Variants in ITGA11 observed in about 807,000 individuals in gnomAD.
ITGA11 encodes integrin subunit alpha 11, also known as integrin alpha-11.
Under a neutral mutation model 141.9 loss-of-function variants are expected in ITGA11, and 97 were observed. That is an observed-to-expected ratio of 0.68 (90% CI 0.58 to 0.81). The LOEUF (loss-of-function observed/expected upper bound fraction) is 0.81, where lower values mean the gene tolerates loss of function less well. Among genes scored for constraint, ITGA11 ranks in the 30% least tolerant of loss-of-function variants. The pLI is 0.00. For synonymous variants in ITGA11, 658 were observed against 624.6 expected (o/e 1.05, Z -0.80); for missense variants, 1,387 against 1,559.2 (o/e 0.89, Z 1.86).
chr15:68,363,422 G>C (rs1403659048), intron 4 of ITGA11, among the ~76,000 whole-genome samples: 1 of 152,176 alleles, frequency 6.6e-6, no homozygotes, highest in Non-Finnish European at 1.5e-5. Context: ...TTTGCCTCTG[G>C]TTATGGCTAA....
At chr15:68,338,596 T>G (rs919746192) in intron 11 of ITGA11, among the ~76,000 whole-genome samples, 5 of 152,196 alleles carry the variant, frequency 3.3e-5, no homozygotes, top group African/African-American at 9.7e-5. Context: ...GAGGGTCCCA[T>G]GGTTGGGGAT....
chr15:68,318,727 AG>A (rs138197357), intron 20 of ITGA11, among the ~76,000 whole-genome samples: 12 of 149,612 alleles, frequency 8.0e-5, no homozygotes, highest in South Asian at 4.3e-4. Flanking sequence ...GTGGCAAGCA[AG>A]GGGGGGGCAC....
chr15:68,396,417 C>A (rs1282511052), intron 2 of ITGA11, among the ~76,000 whole-genome samples: 1 of 151,942 alleles, frequency 6.6e-6, no homozygotes, highest in Non-Finnish European at 1.5e-5. Flanking sequence ...AAAAAAACTT[C>A]TTTAATCTGG....
At position 68,361,669 on chromosome 15, in the gene ITGA11, G is replaced by C; in HGVS notation, c.393C>G (p.Ser131Arg). The change falls in exon 5 of 30, where the codon AGC becomes AGG. Residue 131 changes from serine (S) to arginine (R), a missense_variant. By Grantham distance (110) the Ser-to-Arg change is moderately radical (BLOSUM62 -1). Transcript: ENST00000315757. ...CSPLWSHECG[S>R]SYYTTGMCSR... ...AACACATCCCTGTGGTGTAGTAGGA[G>C]CTCCCACACTCATGAGACCAGAGGG... is the stretch of plus-strand genomic sequence containing the variant. 6.2e-7 allele frequency: 1 copy of C among 1,609,768 alleles called. No homozygotes were observed. Among genetic ancestry groups the C allele is most frequent in the Non-Finnish European group, 8.5e-7 (1 of 1,177,978 alleles).
intron 1 of ITGA11, among the ~76,000 whole-genome samples, chr15:68,414,063 G>T (rs1331703870): frequency 6.6e-6 from 1 of 152,172 alleles, no homozygotes; most frequent in Non-Finnish European, 1.5e-5. Context: ...CTTGGTGGGG[G>T]TCCAGGCGAT....
intron 2 of ITGA11, among the ~76,000 whole-genome samples, chr15:68,399,941 T>C (rs1896426017): frequency 6.6e-6 from 1 of 152,096 alleles, no homozygotes; most frequent in Admixed American, 6.6e-5. Context: ...ATGTACTCCC[T>C]GAATCTAAAA....
chr15:68,334,769 A>C (rs1474232393), intron 12 of ITGA11, among the ~76,000 whole-genome samples: 2 of 152,154 alleles, frequency 1.3e-5, no homozygotes, highest in African/African-American at 2.4e-5. Context: ...TTGGAGGCGG[A>C]ACTGGGCAGG....
chr15:68,355,928 G>A (rs1949382838), intron 7 of ITGA11, among the ~76,000 whole-genome samples: 1 of 152,052 alleles, frequency 6.6e-6, no homozygotes, highest in Admixed American at 6.5e-5. Flanking sequence ...TATGAGTTTA[G>A]GCCTCGGCTC....
rs1894235364 is a variant in ITGA11, at chr15:68,333,246, C to T, written c.1426-768G>A. On this transcript the variant is annotated intron_variant, in intron 12 of 29. Transcript: ENST00000315757. The surrounding 1 kb of genome is among the most constrained non-coding windows in gnomAD (Gnocchi z 4.2). ...TCCTGAGTAGCTGGGACCACAGGCA[C>T]TTACCACCGCTCCTGGCTGTTTTAA... Among the ~76,000 whole-genome samples the T allele has an allele frequency of 6.6e-6, 1 of 151,994 alleles. No homozygotes were observed. Among genetic ancestry groups the T allele is most frequent in the African/African-American group, 2.4e-5 (1 of 41,360 alleles).
At chr15:68,358,632 C>A (rs150384281) in intron 5 of ITGA11, 47 bp from the exon 6 acceptor site, 1 of 1,567,448 alleles carries the variant, frequency 6.4e-7, no homozygotes, top group South Asian at 1.2e-5. Context: ...GCAGTGTCTG[C>A]GAGTCTCTGA....
intron 12 of ITGA11, among the ~76,000 whole-genome samples, chr15:68,332,730 C>T (rs944521878): frequency 1.3e-5 from 2 of 152,146 alleles, no homozygotes; most frequent in African/African-American, 2.4e-5. Context: ...TTCTTTCTTT[C>T]TGTTAATTTT....
At chr15:68,344,448 T>C (rs1894677812) in intron 10 of ITGA11, among the ~76,000 whole-genome samples, 1 of 152,146 alleles carries the variant, frequency 6.6e-6, no homozygotes, top group Non-Finnish European at 1.5e-5. Flanking sequence ...ACTAAGAACC[T>C]TAGCGAATAG....
In ITGA11 at chr15:68,336,216, T is replaced by G. The variant is rs532989617; in HGVS notation, c.1277-371A>C. The G allele has an allele frequency of 2.3e-4, 52 of 222,544 alleles. No individual in the cohort carries two copies. In the South Asian group the frequency reaches 4.1e-3, roughly 17 times the overall value. The allele number at this position is 222,544 out of a possible 1,614,324, so 13.8% of individuals were successfully genotyped here. ...AGGGCAGACTCTAGCCTCACTTCAG[T>G]TAATACTGGGGAGACTTTGTTTTGG... On this transcript the variant is annotated intron_variant, in intron 11 of 29. Transcript: ENST00000315757.
chr15:68,354,931 C>G (rs934163971), intron 7 of ITGA11, among the ~76,000 whole-genome samples: 1 of 152,210 alleles, frequency 6.6e-6, no homozygotes, highest in Non-Finnish European at 1.5e-5. Flanking sequence ...AAGGCACCAG[C>G]TGTAGTTTGG....
intron 2 of ITGA11, among the ~76,000 whole-genome samples, chr15:68,374,895 CT>C (rs768204018): frequency 7.0e-4 from 106 of 152,254 alleles, no homozygotes; most frequent in Non-Finnish European, 1.1e-3. Context: ...GAATGAATCA[CT>C]TTCAATGCAA....
intron 2 of ITGA11, 102 bp from the exon 3 acceptor site, chr15:68,369,386 G>A: frequency 1.8e-6 from 1 of 564,114 alleles, no homozygotes; most frequent in Non-Finnish European, 3.2e-6. Flanking sequence ...TGGGTGGGGA[G>A]GGTGGGAGGG....
At chr15:68,410,590 T>G (rs970418635) in intron 1 of ITGA11, among the ~76,000 whole-genome samples, 1 of 152,252 alleles carries the variant, frequency 6.6e-6, no homozygotes, top group African/African-American at 2.4e-5. Flanking sequence ...GCTGGCTGTT[T>G]CGTATCCTCT....
intron 28 of ITGA11, among the ~76,000 whole-genome samples, chr15:68,306,926 C>A (rs1348303086): frequency 2.0e-5 from 3 of 152,180 alleles, no homozygotes; most frequent in Non-Finnish European, 4.4e-5. Context: ...AAATTTATTT[C>A]TTTTCTTTTT....
chr15:68,372,499 T>C (rs1396344200), intron 2 of ITGA11, among the ~76,000 whole-genome samples: 2 of 152,216 alleles, frequency 1.3e-5, no homozygotes, highest in Non-Finnish European at 2.9e-5. Flanking sequence ...TGTGAGTCAC[T>C]GGCTGCGGGC....
Sources: gnomAD v4.1 joint callset for allele counts (sites outside exome capture counted in the v4.1 genomes callset) on GRCh38, gnomAD v4.1.1 for gene constraint, Gnocchi (gnomAD v3.1) non-coding constraint, MANE v1.5 for transcripts, NCBI Gene and HGNC (gene_info 2026-07-23, HGNC 2026-07-21) for gene names.